Variants in APBA2 observed in about 807,000 individuals in gnomAD.
APBA2 encodes amyloid-beta A4 precursor protein-binding family A member 2.
Under a neutral mutation model 75.0 loss-of-function variants are expected in APBA2, and 30 were observed. That is an observed-to-expected ratio of 0.40 (90% CI 0.30 to 0.54). The LOEUF is 0.54. Ranked by LOEUF, APBA2 falls within the 20% of genes least tolerant of loss-of-function variation. APBA2 has a pLI of 0.49. For missense variants in APBA2, 801 were observed against 1,016.1 expected, an observed-to-expected ratio of 0.79 and a Z score of 2.88; for synonymous variants, 444 against 409.6, an observed-to-expected ratio of 1.08 and a Z score of -1.01.
At chr15:29,076,200 C>A in intron 6 of APBA2, 109 bp downstream of exon 6, 1 of 1,199,244 alleles carries the variant, frequency 8.3e-7, no homozygotes, top group Non-Finnish European at 1.2e-6. Flanking sequence ...CAAAGCGTGC[C>A]TACCTACCAG....
Position 29,102,210 on chromosome 15 carries a change from A to T in APBA2, c.1524+426A>T, listed in dbSNP as rs755124127. 6 of 281,552 alleles carry T rather than the reference A, an allele frequency of 2.1e-5. 1 individual carries two copies. Among genetic ancestry groups the T allele is most frequent in the Non-Finnish European group, 2.7e-5 (4 of 145,790 alleles). The allele number at this position is 281,552 out of a possible 1,614,324, so 17.4% of individuals were successfully genotyped here. A position where few individuals can be genotyped will look rare whatever the true frequency, so the allele number is the denominator to read the frequency against. On this transcript the variant is annotated intron_variant, in intron 10 of 14. Coordinates refer to ENST00000683413, the MANE Select transcript of APBA2 (RefSeq NM_001353788.2). ...TTTGCGTGTGGTCTTCAGAGGAAGT[A>T]AAAAGTGATTCTGAAGTATAAGATA...
chr15:28,896,325 A>G (rs930521280), intron 1 of APBA2, among the ~76,000 whole-genome samples: 7 of 152,160 alleles, frequency 4.6e-5, no homozygotes, highest in African/African-American at 1.4e-4. Flanking sequence ...TGTCGCCCAG[A>G]CTGGAGTGCA....
intron 2 of APBA2, among the ~76,000 whole-genome samples, chr15:28,995,204 A>C (rs1351668173): frequency 6.6e-6 from 1 of 152,124 alleles, no homozygotes; most frequent in East Asian, 1.9e-4. Context: ...TATTCAGGGA[A>C]GTCTGAGACC....
intron 2 of APBA2, among the ~76,000 whole-genome samples, chr15:28,924,275 A>G (rs1052284429): frequency 1.3e-5 from 2 of 152,266 alleles, no homozygotes; most frequent in Middle Eastern, 3.4e-3. Flanking sequence ...TAAAATTCAT[A>G]TAACATTAGC....
chr15:29,041,018 C>G (rs1165423111), intron 3 of APBA2, among the ~76,000 whole-genome samples: 1 of 146,368 alleles, frequency 6.8e-6, no homozygotes, highest in African/African-American at 2.6e-5. Flanking sequence ...AAATTCGCAG[C>G]AGGGCAATAT....
chr15:28,887,374 T>C (rs1595380177), intron 1 of APBA2, among the ~76,000 whole-genome samples: 1 of 152,176 alleles, frequency 6.6e-6, no homozygotes, highest in African/African-American at 2.4e-5. Context: ...ATTTTAGAAA[T>C]AATGACCCGA....
At chr15:28,904,956 A>T (rs2033064002) in intron 1 of APBA2, among the ~76,000 whole-genome samples, 1 of 152,130 alleles carries the variant, frequency 6.6e-6, no homozygotes, top group South Asian at 2.1e-4. Context: ...TGGGCCGCTG[A>T]CCTGATGGGT....
At chr15:29,045,245 A>ATTTT (rs35591033) in intron 3 of APBA2, among the ~76,000 whole-genome samples, 4 of 134,358 alleles carry the variant, frequency 3.0e-5, no homozygotes, top group African/African-American at 8.4e-5. Context: ...TGCCTGGCTA[A>ATTTT]TTTTTTTTTT....
intron 2 of APBA2, among the ~76,000 whole-genome samples, chr15:28,937,589 C>T (rs987138018): frequency 2.6e-5 from 4 of 152,078 alleles, no homozygotes; most frequent in Non-Finnish European, 5.9e-5. Context: ...TAGAGTTAGG[C>T]CTCTCTCCCA....
chr15:29,114,030 T>C lies in APBA2; in HGVS notation c.2178+14T>C. On this transcript the variant is annotated intron_variant, in intron 14 of 14. Transcript: ENST00000683413. ...TCGGTCGGAGAGGTAAGGAGGGACT[T>C]TGAGTGTGCCTCTGCATGCCGGTTC... 1 of 1,613,688 alleles carries C rather than the reference T, an allele frequency of 6.2e-7. No individual in the cohort carries two copies. The highest frequency in any genetic ancestry group is 8.5e-7 in the Non-Finnish European group (1 of 1,180,026).
intron 6 of APBA2, among the ~76,000 whole-genome samples, chr15:29,090,131 C>G (rs1272547066): frequency 6.6e-6 from 1 of 152,152 alleles, no homozygotes; most frequent in Non-Finnish European, 1.5e-5. Flanking sequence ...CTGGGGCCAC[C>G]TTGGACTCGA....
intron 3 of APBA2, among the ~76,000 whole-genome samples, chr15:29,036,127 T>G (rs1373930130): frequency 1.3e-5 from 2 of 152,136 alleles, no homozygotes; most frequent in Non-Finnish European, 2.9e-5. Flanking sequence ...CTTGTGTCCT[T>G]GTAGGCAGAG....
intron 4 of APBA2, chr15:29,070,715 T>G (rs562363957): frequency 9.3e-6 from 2 of 215,754 alleles, no homozygotes; most frequent in Non-Finnish European, 1.9e-5. Context: ...GAGTGAGACC[T>G]TCCATCTGAC....
chr15:28,947,905 G>A (rs1414677306), intron 2 of APBA2, among the ~76,000 whole-genome samples: 1 of 152,138 alleles, frequency 6.6e-6, no homozygotes, highest in Non-Finnish European at 1.5e-5. Flanking sequence ...TTGCTGTCAG[G>A]CAACTTATTT....
intron 6 of APBA2, among the ~76,000 whole-genome samples, chr15:29,084,640 C>A (rs2043210279): frequency 6.6e-6 from 1 of 152,110 alleles, no homozygotes; most frequent in African/African-American, 2.4e-5. Context: ...TGCATTTTCC[C>A]AGTTTACAGG....
In APBA2 at chr15:28,886,126, CGCTATTCGGGAA is replaced by C. The variant is rs2031698397; in HGVS notation, c.-349_-338del. The C allele has an allele frequency of 6.7e-6, 1 of 150,222 alleles. No individual in the cohort carries two copies. 9.3% of individuals were successfully genotyped at this position (150,222 alleles called of 1,614,324 possible). A position where few individuals can be genotyped will look rare whatever the true frequency, so the allele number is the denominator to read the frequency against. ...TACGCTGCGTCCGGGGCGCGCCCGC[CGCTATTCGGGAA>C]GCTATTCAGCTTCCCGGGCTCATTA... On this transcript the variant is annotated 5_prime_UTR_variant, in exon 1 of 15. Transcript: ENST00000683413.
Position 29,101,883 on chromosome 15 carries a change from C to T in APBA2, c.1524+99C>T. ...TGGAAACCACCCTCAGGTGGAAAGCCTCCATGCTGTTACTGATGTTTCCAG... is the reference window on the plus strand; with the variant it reads ...TGGAAACCACCCTCAGGTGGAAAGCTTCCATGCTGTTACTGATGTTTCCAG... On this transcript the variant is annotated intron_variant, in intron 10 of 14. Transcript: ENST00000683413. The T allele has an allele frequency of 3.2e-6, 4 of 1,233,456 alleles. No homozygotes were observed. The South Asian group carries it at 5.1e-5, about 16-fold the overall frequency. 76.4% of individuals were successfully genotyped at this position (1,233,456 alleles called of 1,614,324 possible). A position where few individuals can be genotyped will look rare whatever the true frequency, so the allele number is the denominator to read the frequency against.
chr15:29,075,996 C>T, intron 5 of APBA2, 59 bp from the exon 6 acceptor site: 1 of 1,523,024 alleles, frequency 6.6e-7, no homozygotes, highest in African/African-American at 1.4e-5. Flanking sequence ...TAGCCTTCAC[C>T]TTGTGGGCTA....
intron 3 of APBA2, among the ~76,000 whole-genome samples, chr15:29,010,544 C>T (rs1280016681): frequency 6.6e-6 from 1 of 152,188 alleles, no homozygotes; most frequent in Admixed American, 6.5e-5. Flanking sequence ...AGGTGCGAGC[C>T]ACCACACCCG....
Sources: gnomAD v4.1 joint callset for allele counts (sites outside exome capture counted in the v4.1 genomes callset) on GRCh38, gnomAD v4.1.1 for gene constraint, MANE v1.5 for transcripts, NCBI Gene and HGNC (gene_info 2026-07-23, HGNC 2026-07-21) for gene names.